CDH12: variants seen among roughly 807,000 people sequenced by gnomAD.
The protein encoded by CDH12 is cadherin 12.
CDH12 carries 41 observed loss-of-function variants against 74.1 expected under a neutral mutation model. The observed-to-expected ratio is 0.55, with a 90% CI of 0.43 to 0.72. The LOEUF (loss-of-function observed/expected upper bound fraction) is 0.72, where lower values mean the gene tolerates loss of function less well. CDH12 is among the 30% of genes least tolerant of loss of function. CDH12 has a pLI of 0.00. For synonymous variants in CDH12, 399 were observed against 355.0 expected, an observed-to-expected ratio of 1.12 and a Z score of -1.39; for missense variants, 945 against 977.2, an observed-to-expected ratio of 0.97 and a Z score of 0.44.
intron 3 of CDH12, among the ~76,000 whole-genome samples, chr5:22,244,137 G>A (rs1752836816): frequency 6.6e-6 from 1 of 151,928 alleles, no homozygotes; most frequent in Non-Finnish European, 1.5e-5. Context: ...ATACTTTAGT[G>A]GGAAGAGACA....
intron 1 of CDH12, among the ~76,000 whole-genome samples, chr5:22,847,248 G>T (rs1353358687): frequency 6.6e-6 from 1 of 152,132 alleles, no homozygotes; most frequent in Non-Finnish European, 1.5e-5. Flanking sequence ...GCCTTGCCAA[G>T]AGCTTGTTTT....
rs12658151 is a variant in CDH12, at chr5:22,160,978, T to C, written c.-187+51520A>G. ...TCGACAACTGTGTTTGGGAAAGTCA[T>C]GCATGGCTCTGCACGGAGTCTCTGC... On this transcript the variant is annotated intron_variant, in intron 4 of 14. Transcript: ENST00000382254. Among the ~76,000 whole-genome samples the C allele has an allele frequency of 0.025, 3,738 of 152,260 alleles. 263 individuals are homozygous for C. In the East Asian group the frequency reaches 0.28, roughly 11 times the overall value.
chr5:22,032,857 T>C (rs1280519675), intron 5 of CDH12, among the ~76,000 whole-genome samples: 4 of 150,158 alleles, frequency 2.7e-5, no homozygotes, highest in African/African-American at 9.8e-5. Flanking sequence ...AAGGAAGGAC[T>C]CCAGTGCAGA....
chr5:22,022,960 AT>A (rs1466623424), intron 5 of CDH12, among the ~76,000 whole-genome samples: 1 of 152,192 alleles, frequency 6.6e-6, no homozygotes, highest in Admixed American at 6.5e-5. Flanking sequence ...TCCTTTCATT[AT>A]CACCAATCTT....
At position 22,654,627 on chromosome 5, in the gene CDH12, G is replaced by GTT. The variant is rs58293821; in HGVS notation, c.-522-149265_-522-149264dup. Among the ~76,000 whole-genome samples, 88 of 143,626 alleles carry GTT rather than the reference G, an allele frequency of 6.1e-4. 1 individual carries two copies. Among genetic ancestry groups the GTT allele is most frequent in the East Asian group, 2.6e-3 (12 of 4,620 alleles). The allele number at this position is 143,626 out of a possible 152,430, so 94.2% of individuals were successfully genotyped here. On this transcript the variant is annotated intron_variant, in intron 1 of 14. Coordinates refer to ENST00000382254, the MANE Select transcript of CDH12 (RefSeq NM_004061.5). ...TTCTAGATTTTTTGTTTGTTTGCTT[G>GTT]TTTTTTTTTTGTTGTTGTTGTTGTT... is the stretch of plus-strand genomic sequence containing the variant.
intron 1 of CDH12, among the ~76,000 whole-genome samples, chr5:22,704,182 G>C (rs1742862460): frequency 1.3e-5 from 2 of 152,104 alleles, no homozygotes; most frequent in Admixed American, 1.3e-4. Flanking sequence ...TCTACACATG[G>C]AACTTTTTTG....
At chr5:22,205,480 A>G (rs968033900) in intron 4 of CDH12, among the ~76,000 whole-genome samples, 3 of 152,180 alleles carry the variant, frequency 2.0e-5, no homozygotes, top group South Asian at 2.1e-4. Flanking sequence ...TATTATCACA[A>G]TGATGGTAAT....
chr5:22,848,628 G>T (rs1385565627), intron 1 of CDH12, among the ~76,000 whole-genome samples: 1 of 152,054 alleles, frequency 6.6e-6, no homozygotes, highest in Non-Finnish European at 1.5e-5. Context: ...AAGCACATTG[G>T]TTAGTTAGTT....
intron 4 of CDH12, among the ~76,000 whole-genome samples, chr5:22,187,301 A>G (rs991825752): frequency 6.6e-6 from 1 of 152,212 alleles, no homozygotes; most frequent in African/African-American, 2.4e-5. Flanking sequence ...CAACTTAAAA[A>G]TGAAAATGTC....
At chr5:22,323,813 A>G (rs1401287213) in intron 3 of CDH12, among the ~76,000 whole-genome samples, 7 of 152,154 alleles carry the variant, frequency 4.6e-5, no homozygotes, top group Admixed American at 3.3e-4. Flanking sequence ...GAGAAGGAAC[A>G]TGTTATACAT....
intron 1 of CDH12, among the ~76,000 whole-genome samples, chr5:22,790,555 T>C (rs2126381258): frequency 6.6e-6 from 1 of 152,142 alleles, no homozygotes; most frequent in East Asian, 1.9e-4. Flanking sequence ...GGAATAAAAA[T>C]GAATCCCTCT....
At chr5:21,941,787 T>C (rs1755341251) in intron 6 of CDH12, among the ~76,000 whole-genome samples, 1 of 147,944 alleles carries the variant, frequency 6.8e-6, no homozygotes, top group Non-Finnish European at 1.5e-5. Flanking sequence ...TAAGTTTTAA[T>C]GGGGAGAACT....
At chr5:22,138,105 C>T (rs1370992486) in intron 4 of CDH12, among the ~76,000 whole-genome samples, 2 of 151,904 alleles carry the variant, frequency 1.3e-5, no homozygotes, top group African/African-American at 2.4e-5. Context: ...AGCTTGCTCC[C>T]TTTGTGGTAA....
chr5:21,802,682 C>G (rs1747199435), intron 9 of CDH12, among the ~76,000 whole-genome samples: 2 of 144,874 alleles, frequency 1.4e-5, no homozygotes, highest in Admixed American at 1.4e-4. Flanking sequence ...ACCTCCACCT[C>G]TGGGGTTCAA....
chr5:21,976,812 T>C (rs1370188774), intron 5 of CDH12, among the ~76,000 whole-genome samples: 1 of 152,046 alleles, frequency 6.6e-6, no homozygotes, highest in African/African-American at 2.4e-5. Context: ...ATGAGTTCTG[T>C]TTTCTTAACA....
chr5:22,802,119 ATTTTTTT>A (rs397883677), intron 1 of CDH12, among the ~76,000 whole-genome samples: 1 of 123,560 alleles, frequency 8.1e-6, no homozygotes, highest in Non-Finnish European at 1.7e-5. Context: ...TTAAATTCGT[ATTTTTTT>A]TTTTTTTTTT....
chr5:22,231,965 A>C (rs1449319487), intron 3 of CDH12, among the ~76,000 whole-genome samples: 1 of 152,070 alleles, frequency 6.6e-6, no homozygotes, highest in East Asian at 1.9e-4. Context: ...ATAAACAAGA[A>C]TACAACTATT....
At chr5:22,305,051 T>A (rs978125527) in intron 3 of CDH12, among the ~76,000 whole-genome samples, 4 of 152,232 alleles carry the variant, frequency 2.6e-5, no homozygotes, top group African/African-American at 9.6e-5. Context: ...ATAAACAATT[T>A]TTTTAAGTTT....
intron 1 of CDH12, among the ~76,000 whole-genome samples, chr5:22,808,668 C>G (rs369960449): frequency 3.3e-4 from 42 of 127,812 alleles, no homozygotes; most frequent in African/African-American, 1.2e-3. Flanking sequence ...TGCAGTGGTG[C>G]GATCTCAGCT....
Sources: gnomAD v4.1 joint callset for allele counts (sites outside exome capture counted in the v4.1 genomes callset) on GRCh38, gnomAD v4.1.1 for gene constraint, MANE v1.5 for transcripts, NCBI Gene and HGNC (gene_info 2026-07-23, HGNC 2026-07-21) for gene names.